The following GPLD1 variants were observed in gnomAD, a reference collection of about 807,000 sequenced individuals.
GPLD1 encodes phosphatidylinositol-glycan-specific phospholipase D.
In GPLD1, 84 loss-of-function variants were observed where a neutral mutation model predicts 112.6. The ratio of observed to expected loss-of-function variants is 0.75; its 90% CI spans 0.63 to 0.89. The LOEUF (loss-of-function observed/expected upper bound fraction) is 0.89, where lower values mean the gene tolerates loss of function less well. Among genes scored for constraint, GPLD1 ranks in the 40% least tolerant of loss-of-function variants. The pLI, the probability that GPLD1 is intolerant of heterozygous loss-of-function variation, is 0.00. For synonymous variants in GPLD1, 386 were observed against 403.8 expected, an observed-to-expected ratio of 0.96 and a Z score of 0.53; for missense variants, 1,044 against 1,051.5, an observed-to-expected ratio of 0.99 and a Z score of 0.10.
At chr6:24,494,820 A>G (rs1245738842) in intron 1 of GPLD1, 39 of 688,170 alleles carry the variant, frequency 5.7e-5, no homozygotes, top group Non-Finnish European at 7.6e-5. Context: ...GCGGCGGTGC[A>G]GCGAGAAAGA....
intron 20 of GPLD1, among the ~76,000 whole-genome samples, chr6:24,437,574 A>ACTGC (rs113908182): frequency 0.065 from 9,935 of 152,136 alleles, 744 homozygotes; most frequent in African/African-American, 0.19. Context: ...CGTATCACAA[A>ACTGC]CTAGGTCACC....
intron 24 of GPLD1, among the ~76,000 whole-genome samples, chr6:24,430,025 T>C (rs879859561): frequency 3.3e-5 from 5 of 152,236 alleles, no homozygotes; most frequent in Non-Finnish European, 7.3e-5. Context: ...TGAAAACTAC[T>C]GATGAAATCT....
chr6:24,473,078 CT>C (rs71674147), intron 6 of GPLD1: 24,271 of 128,412 alleles, frequency 0.19, 3,096 homozygotes, highest in East Asian at 0.4. Flanking sequence ...GCCAGGCCGC[CT>C]TTTTTTTTTT....
chr6:24,452,375 T>C (rs368550494), intron 14 of GPLD1, among the ~76,000 whole-genome samples: 23 of 152,262 alleles, frequency 1.5e-4, no homozygotes, highest in African/African-American at 4.8e-4. Flanking sequence ...CCTCTGGGAC[T>C]GTGACCTTAC....
At chr6:24,447,163 A>G (rs1399106061) in intron 17 of GPLD1, among the ~76,000 whole-genome samples, 184 bp from the exon 18 acceptor site, 1 of 152,076 alleles carries the variant, frequency 6.6e-6, no homozygotes, top group Non-Finnish European at 1.5e-5. Context: ...CTCTTCATAC[A>G]AGAAATACAT....
chr6:24,451,726 C>T (rs577937765), intron 14 of GPLD1, among the ~76,000 whole-genome samples: 5 of 152,350 alleles, frequency 3.3e-5, no homozygotes, highest in African/African-American at 1.2e-4. Context: ...GAAGGACCCA[C>T]GTCCATTATT....
Position 24,472,627 on chromosome 6 carries a change from A to G in GPLD1, c.500T>C (p.Val167Ala), listed in dbSNP as rs761408270. The change falls in exon 7 of 25, where the codon GTG becomes GCG. Residue 167 changes from valine (V) to alanine (A), a missense_variant. Val to Ala is a moderately conservative substitution (Grantham distance 64). Coordinates refer to ENST00000230036, the MANE Select transcript of GPLD1 (RefSeq NM_001503.4). ...AHSAGDFGGD[V>A]LSQFEFNFNY... ...AAAATTAAATTCAAACTGGCTCAACACATCTCCTCCTAGGGTATGAGAAAA... is the reference window on the plus strand; with the variant it reads ...AAAATTAAATTCAAACTGGCTCAACGCATCTCCTCCTAGGGTATGAGAAAA... The G allele has an allele frequency of 1.9e-6, 3 of 1,587,020 alleles. No individual in the cohort carries two copies. The highest frequency in any genetic ancestry group is 2.6e-6 in the Non-Finnish European group (3 of 1,155,364).
chr6:24,468,125 C>T (rs1581770006), intron 7 of GPLD1, among the ~76,000 whole-genome samples: 1 of 152,142 alleles, frequency 6.6e-6, no homozygotes, highest in African/African-American at 2.4e-5. Flanking sequence ...AGGCTGGTCT[C>T]GAACTCCCAA....
At chr6:24,445,887 G>T in intron 18 of GPLD1, 56 bp from the exon 19 acceptor site, 1 of 1,253,740 alleles carries the variant, frequency 8.0e-7, no homozygotes. Context: ...CAGCTGGCCA[G>T]GTACTCAGGA....
intron 20 of GPLD1, among the ~76,000 whole-genome samples, chr6:24,439,981 G>C (rs1762695006): frequency 6.6e-6 from 1 of 151,778 alleles, no homozygotes; most frequent in Non-Finnish European, 1.5e-5. Context: ...GGGGTGGTGG[G>C]TATTTTTTAA....
chr6:24,464,576 TATGGTTAAC>T (rs1763537681), intron 10 of GPLD1, among the ~76,000 whole-genome samples: 1 of 152,202 alleles, frequency 6.6e-6, no homozygotes, highest in South Asian at 2.1e-4. Flanking sequence ...AATATATAAT[TATGGTTAAC>T]ACTGTTTGGG....
chr6:24,431,233 C>T (rs1252129192), intron 24 of GPLD1, among the ~76,000 whole-genome samples: 1 of 152,120 alleles, frequency 6.6e-6, no homozygotes, highest in Non-Finnish European at 1.5e-5. Context: ...AATCCTCTTC[C>T]TCCTCCCACC....
intron 12 of GPLD1, among the ~76,000 whole-genome samples, chr6:24,458,096 C>T (rs1011266536): frequency 6.6e-6 from 1 of 150,976 alleles, no homozygotes; most frequent in Non-Finnish European, 1.5e-5. Flanking sequence ...TGGCCAGATA[C>T]TAGATCCATC....
intron 11 of GPLD1, among the ~76,000 whole-genome samples, chr6:24,462,356 A>G (rs4464784): frequency 6.0e-4 from 92 of 152,104 alleles, no homozygotes; most frequent in Middle Eastern, 6.8e-3. Context: ...GCTGGTCCTG[A>G]ACTCCTGGAC....
Position 24,427,829 on chromosome 6 carries a change from G to C in GPLD1, c.*1203C>G, listed in dbSNP as rs1768235345. On this transcript the variant is annotated 3_prime_UTR_variant, in exon 25 of 25. Coordinates refer to ENST00000230036, the MANE Select transcript of GPLD1 (RefSeq NM_001503.4). Reference sequence around the variant, plus strand: ...TCACTGCACTCCAGCCTGGGCAACAGAGCAAGACTCCGTCTCAAAAAAAAA... The same window carrying C: ...TCACTGCACTCCAGCCTGGGCAACACAGCAAGACTCCGTCTCAAAAAAAAA... 8.5e-6 allele frequency among the ~76,000 whole-genome samples: 1 copy of C among 118,046 alleles called. No individual in the cohort carries two copies. Among genetic ancestry groups the C allele is most frequent in the South Asian group, 2.8e-4 (1 of 3,554 alleles). The allele number at this position is 118,046 out of a possible 152,430, so 77.4% of individuals were successfully genotyped here. A position where few individuals can be genotyped will look rare whatever the true frequency, so the allele number is the denominator to read the frequency against.
chr6:24,448,166 A>T lies in GPLD1; in HGVS notation c.1489T>A (p.Ser497Thr), dbSNP rs61739665. The T allele has an allele frequency of 2.3e-3, 3,671 of 1,611,066 alleles. 77 individuals are homozygous for T. In the African/African-American group the frequency reaches 0.042, roughly 18 times the overall value. The change falls in exon 16 of 25, where the codon TCT (serine) becomes ACT (threonine). Residue 497 changes from serine (S) to threonine (T), a missense_variant. Ser to Thr is a moderately conservative substitution (Grantham distance 58). Transcript: ENST00000230036. ...VYFGSKQGGM[S>T]SSPNITISCQ... Reference sequence around the variant, plus strand: ...GAAATGGTGATGTTAGGGGAAGAAGACATTCCTCCTTGTTTGGAACCAAAG... The same window carrying T: ...GAAATGGTGATGTTAGGGGAAGAAGTCATTCCTCCTTGTTTGGAACCAAAG...
chr6:24,444,687 C>A (rs1247316395), intron 20 of GPLD1, among the ~76,000 whole-genome samples: 1 of 151,778 alleles, frequency 6.6e-6, no homozygotes, highest in Non-Finnish European at 1.5e-5. Context: ...CCTCTCGCTA[C>A]AAAAAATAAA....
rs763476594 is a variant in GPLD1, at chr6:24,486,080, T to C, written c.148A>G (p.Arg50Gly). 5.7e-6 allele frequency: 9 copies of C among 1,582,690 alleles called. No homozygotes were observed. The South Asian group carries it at 1.0e-4, about 18-fold the overall frequency. The change falls in exon 2 of 25, where the codon AGA becomes GGA. Residue 50 changes from arginine (R) to glycine (G), a missense_variant. Arg to Gly is a moderately radical substitution (Grantham distance 125). Transcript: ENST00000230036. The part of the protein sequence containing the change: ...LQLHNGRVNY[R>G]ELLLEHQDAY... The stretch of plus-strand genomic sequence containing the variant: ...AGAAAAATCAAGATTTCTACCTCTC[T>C]GTAGTTAACACGCCCATTGTGAAGC...
At chr6:24,484,621 T>C (rs1328664890) in intron 2 of GPLD1, among the ~76,000 whole-genome samples, 2 of 152,216 alleles carry the variant, frequency 1.3e-5, no homozygotes, top group Non-Finnish European at 2.9e-5. Flanking sequence ...CTAGAATACC[T>C]TGTAGAATAC....
Sources: gnomAD v4.1 joint callset for allele counts (sites outside exome capture counted in the v4.1 genomes callset) on GRCh38, gnomAD v4.1.1 for gene constraint, MANE v1.5 for transcripts, NCBI Gene and HGNC (gene_info 2026-07-23, HGNC 2026-07-21) for gene names.